Variants in KDM1B observed in about 807,000 individuals in gnomAD.
The protein encoded by KDM1B is lysine-specific histone demethylase 2.
A neutral mutation model predicts 107.4 loss-of-function variants in KDM1B; 63 were observed. The ratio of observed to expected loss-of-function variants is 0.59; its 90% CI spans 0.48 to 0.72. The LOEUF (loss-of-function observed/expected upper bound fraction) is 0.72. KDM1B is among the 30% of genes least tolerant of loss of function. The probability of loss-of-function intolerance (pLI) is 0.00; values close to 1 mark genes in which losing one functional copy is unlikely to be tolerated. For synonymous variants in KDM1B, 363 were observed against 363.9 expected, an observed-to-expected ratio of 1.00 and a Z score of 0.03; for missense variants, 749 against 1,020.8, an observed-to-expected ratio of 0.73 and a Z score of 3.63.
rs1008332305 is a variant in KDM1B at position 18,155,827 on chromosome 6, T to C, written c.-57-56T>C. 1.3e-5 allele frequency: 2 copies of C among 152,070 alleles called. No individual in the cohort carries two copies. The highest frequency in any genetic ancestry group is 2.9e-5 in the Non-Finnish European group (2 of 68,076). 9.4% of individuals were successfully genotyped at this position (152,070 alleles called of 1,614,324 possible). A position where few individuals can be genotyped will look rare whatever the true frequency, so the allele number is the denominator to read the frequency against. On this transcript the variant is annotated intron_variant, in intron 1 of 21. Coordinates refer to ENST00000650836, the MANE Select transcript of KDM1B (RefSeq NM_001364614.2). This position sits in a 1 kb window ranked among gnomAD's most constrained non-coding sequence, Gnocchi z 6.2. ...GGTGTTGGGGCGTGGGGTCGCCGGG[T>C]TCGTCGCGATGTTGCCGGTCGGCTA...
intron 10 of KDM1B, among the ~76,000 whole-genome samples, chr6:18,194,669 A>T (rs1787528244): frequency 6.6e-6 from 1 of 151,014 alleles, no homozygotes; most frequent in Middle Eastern, 3.4e-3. Context: ...TTTCCTTCTT[A>T]TTTTTTTTAA....
chr6:18,189,360 G>A (rs978728867), intron 9 of KDM1B, among the ~76,000 whole-genome samples: 1 of 152,162 alleles, frequency 6.6e-6, no homozygotes, highest in African/African-American at 2.4e-5. Context: ...TAGGGAGAGT[G>A]TATGTTTACG....
rs548554745 is a variant in KDM1B at position 18,204,356 on chromosome 6, C to T, written c.1532-1181C>T. ...AAAATTAGCTGGGCATAGAGGCGGG[C>T]GCCTGTAGTCCCAGCTACTTGGGAG... On this transcript the variant is annotated intron_variant, in intron 14 of 21. Coordinates refer to ENST00000650836, the MANE Select transcript of KDM1B (RefSeq NM_001364614.2). This position sits in a 1 kb window ranked among gnomAD's most constrained non-coding sequence, Gnocchi z 4.9. Among the ~76,000 whole-genome samples the T allele has an allele frequency of 1.5e-4, 23 of 152,040 alleles. No homozygotes were observed. In the South Asian group the frequency reaches 3.3e-3, roughly 22 times the overall value.
At position 18,191,470 on chromosome 6, in the gene KDM1B, T is replaced by C. The variant is rs1168562361; in HGVS notation, c.969+89T>C. On this transcript the variant is annotated intron_variant, in intron 10 of 21. Transcript: ENST00000650836. The surrounding 1 kb of genome is among the most constrained non-coding windows in gnomAD (Gnocchi z 5.1). ...TACTTCATCTGGGGATGGAACCTTT[T>C]ATGCCAGGGTTTCTCAGCCGTGCCT... The C allele has an allele frequency of 7.4e-6, 10 of 1,353,396 alleles. No individual in the cohort carries two copies. The South Asian group carries it at 1.0e-4, about 14-fold the overall frequency. The allele number at this position is 1,353,396 out of a possible 1,614,324, so 83.8% of individuals were successfully genotyped here.
In KDM1B at chr6:18,215,104, C is replaced by A. The variant is rs200223055; in HGVS notation, c.2207C>A (p.Thr736Lys). Residue 736 changes from threonine to lysine, a missense_variant, in exon 20 of 22, where the codon ACG (threonine) becomes AAG (lysine). Transcript: ENST00000650836. ...DKQVLQQCMA[T>K]LRELFKEQEV... ...CAGGTGCTGCAGCAGTGCATGGCCACGCTCCGGGAGCTGTTCAAGGAGCAG... is the reference window on the plus strand; with the variant it reads ...CAGGTGCTGCAGCAGTGCATGGCCAAGCTCCGGGAGCTGTTCAAGGAGCAG... 6.2e-7 allele frequency: 1 copy of A among 1,613,264 alleles called. No homozygotes were observed. The highest frequency in any genetic ancestry group is 8.5e-7 in the Non-Finnish European group (1 of 1,179,838).
intron 14 of KDM1B, among the ~76,000 whole-genome samples, chr6:18,202,466 A>G (rs1235023394): frequency 6.6e-6 from 1 of 152,224 alleles, no homozygotes; most frequent in Non-Finnish European, 1.5e-5. Flanking sequence ...TATTAGCCAC[A>G]ACTATTTAGA....
Position 18,209,942 on chromosome 6 carries a change from G to A in KDM1B, c.1866+1736G>A, listed in dbSNP as rs1788709818. ...GTCACCCGACAGTTCAGCCTCTGCT[G>A]TTCTGTAGCTCCACTTCTTGGTGTC... On this transcript the variant is annotated intron_variant, in intron 17 of 21. Coordinates refer to ENST00000650836, the MANE Select transcript of KDM1B (RefSeq NM_001364614.2). The surrounding 1 kb of genome is among the most constrained non-coding windows in gnomAD (Gnocchi z 4.3). 6.6e-6 allele frequency among the ~76,000 whole-genome samples: 1 copy of A among 152,124 alleles called. No individual in the cohort carries two copies. Among genetic ancestry groups the A allele is most frequent in the Non-Finnish European group, 1.5e-5 (1 of 68,026 alleles).
At chr6:18,192,039 G>T (rs1039041153) in intron 10 of KDM1B, among the ~76,000 whole-genome samples, 1 of 152,202 alleles carries the variant, frequency 6.6e-6, no homozygotes, top group Admixed American at 6.5e-5. Flanking sequence ...CAGGAGGATC[G>T]CTTGAGCCTA....
At position 18,171,463 on chromosome 6, in the gene KDM1B, C is replaced by A; in HGVS notation, c.518C>A (p.Pro173Gln). 2 of 1,583,228 alleles carry A rather than the reference C, an allele frequency of 1.3e-6. No individual in the cohort carries two copies. The highest frequency in any genetic ancestry group is 1.7e-6 in the Non-Finnish European group (2 of 1,151,884). The change falls in exon 7 of 22, where the codon CCA (proline) becomes CAA (glutamine). Residue 173 changes from proline (P) to glutamine (Q), a missense_variant. Coordinates refer to ENST00000650836, the MANE Select transcript of KDM1B (RefSeq NM_001364614.2). The part of the protein sequence containing the change: ...IAKTYRCGMK[P>Q]NTAIKPETSD... ...AAGACTTATCGATGCGGTATGAAAC[C>A]AAATACTGCTATTAAGGTATGTTCT...
intron 10 of KDM1B, among the ~76,000 whole-genome samples, chr6:18,193,914 C>T (rs1321818010): frequency 6.6e-6 from 1 of 151,798 alleles, no homozygotes; most frequent in Non-Finnish European, 1.5e-5. Flanking sequence ...ACTCTTGTTG[C>T]CCAGGCTGGA....
Position 18,201,159 on chromosome 6 carries a change from A to G in KDM1B, c.1360-327A>G, listed in dbSNP as rs1199503280. ...TTTGTGTGTTTGTGTGTTCATTTAC[A>G]TGAGGGTCCACAGAGGAGACAGAAT... On this transcript the variant is annotated intron_variant, in intron 13 of 21. Transcript: ENST00000650836. The surrounding 1 kb of genome is among the most constrained non-coding windows in gnomAD (Gnocchi z 4.3). Among the ~76,000 whole-genome samples the G allele has an allele frequency of 6.6e-6, 1 of 152,192 alleles. No homozygotes were observed. Among genetic ancestry groups the G allele is most frequent in the Non-Finnish European group, 1.5e-5 (1 of 68,040 alleles).
chr6:18,188,604 C>G (rs1434771666), intron 9 of KDM1B, among the ~76,000 whole-genome samples: 1 of 151,910 alleles, frequency 6.6e-6, no homozygotes, highest in African/African-American at 2.4e-5. Context: ...TGATTATTTA[C>G]TTTATTTTTT....
At chr6:18,182,561 C>T (rs1250746060) in intron 7 of KDM1B, among the ~76,000 whole-genome samples, 4 of 151,152 alleles carry the variant, frequency 2.6e-5, no homozygotes, top group Admixed American at 6.6e-5. Context: ...TTTTTTGAGA[C>T]GGAGTCTTGC....
chr6:18,158,448 A>T (rs1784774328), intron 2 of KDM1B, among the ~76,000 whole-genome samples: 1 of 152,058 alleles, frequency 6.6e-6, no homozygotes, highest in Non-Finnish European at 1.5e-5. Flanking sequence ...CATGAAAAGT[A>T]CTCTTATGAA....
Position 18,214,092 on chromosome 6 carries a change from C to A in KDM1B, c.2109+311C>A, listed in dbSNP as rs1182263006. The stretch of plus-strand genomic sequence containing the variant: ...GAGACATCAGAGTCAATGAGTGGTG[C>A]TTGAAACTTCCTCTCTGAGGGTCCT... On this transcript the variant is annotated intron_variant, in intron 19 of 21. Coordinates refer to ENST00000650836, the MANE Select transcript of KDM1B (RefSeq NM_001364614.2). This position sits in a 1 kb window ranked among gnomAD's most constrained non-coding sequence, Gnocchi z 4.4. Among the ~76,000 whole-genome samples the A allele has an allele frequency of 1.3e-5, 2 of 152,094 alleles. No homozygotes were observed. Among genetic ancestry groups the A allele is most frequent in the African/African-American group, 4.8e-5 (2 of 41,412 alleles).
At chr6:18,195,106 T>C (rs952699929) in intron 10 of KDM1B, among the ~76,000 whole-genome samples, 1 of 152,238 alleles carries the variant, frequency 6.6e-6, no homozygotes, top group African/African-American at 2.4e-5. Flanking sequence ...ATCCATGTTG[T>C]AGCACGTCAG....
At chr6:18,180,913 T>A (rs997051240) in intron 7 of KDM1B, among the ~76,000 whole-genome samples, 8 of 152,224 alleles carry the variant, frequency 5.3e-5, no homozygotes, top group African/African-American at 1.9e-4. Context: ...GACTAAACTG[T>A]AATTGGAGTG....
intron 4 of KDM1B, 30 bp downstream of exon 4, chr6:18,161,484 AT>A (rs1784970215): frequency 3.7e-6 from 6 of 1,609,026 alleles, no homozygotes; most frequent in African/African-American, 2.7e-5. Flanking sequence ...TTGGCCTCCC[AT>A]TTCTGCTTGT....
intron 4 of KDM1B, 83 bp downstream of exon 4, chr6:18,161,537 C>G: frequency 6.8e-7 from 1 of 1,460,006 alleles, no homozygotes; most frequent in East Asian, 2.3e-5. Flanking sequence ...AGATAGTTTT[C>G]CTAAAGATAG....
Sources: allele counts gnomAD v4.1 joint callset (sites outside exome capture counted in the v4.1 genomes callset), GRCh38; gene constraint gnomAD v4.1.1; non-coding constraint Gnocchi (gnomAD v3.1); transcripts MANE v1.5; gene names NCBI Gene and HGNC (gene_info 2026-07-23, HGNC 2026-07-21).